The following B3GALT1 variants were observed in gnomAD, a reference collection of about 807,000 sequenced individuals.
B3GALT1 encodes the protein UDP-Gal:betaGlcNAc beta 1,3-galactosyltransferase, polypeptide 1.
A neutral mutation model predicts 23.2 loss-of-function variants in B3GALT1; 10 were observed. The ratio of observed to expected loss-of-function variants is 0.43; its 90% CI spans 0.27 to 0.73. The LOEUF (loss-of-function observed/expected upper bound fraction) is 0.73, where lower values mean the gene tolerates loss of function less well. B3GALT1 is among the 30% of genes least tolerant of loss of function. The probability of loss-of-function intolerance (pLI) is 0.21; values close to 1 mark genes in which losing one functional copy is unlikely to be tolerated. For missense variants in B3GALT1, 299 were observed against 405.4 expected, an observed-to-expected ratio of 0.74 and a Z score of 2.25; for synonymous variants, 156 against 141.5, an observed-to-expected ratio of 1.10 and a Z score of -0.73.
intron 1 of B3GALT1, among the ~76,000 whole-genome samples, chr2:167,463,346 G>T (rs966924519): frequency 6.6e-6 from 1 of 151,970 alleles, no homozygotes; most frequent in Non-Finnish European, 1.5e-5. Context: ...GGTTCTCCAC[G>T]TGAGTCTATA....
At chr2:167,687,412 C>T (rs1219847469) in intron 3 of B3GALT1, among the ~76,000 whole-genome samples, 2 of 152,014 alleles carry the variant, frequency 1.3e-5, no homozygotes, top group Non-Finnish European at 2.9e-5. Flanking sequence ...GAAAATATAC[C>T]ATGTCATTCA....
At chr2:167,657,172 C>G (rs1047143318) in intron 3 of B3GALT1, among the ~76,000 whole-genome samples, 4 of 152,062 alleles carry the variant, frequency 2.6e-5, no homozygotes, top group African/African-American at 7.2e-5. Flanking sequence ...TCAAGATACC[C>G]AGGGGATATT....
At chr2:167,797,059 G>C (rs952423730) in intron 3 of B3GALT1, among the ~76,000 whole-genome samples, 3 of 152,070 alleles carry the variant, frequency 2.0e-5, no homozygotes, top group Non-Finnish European at 1.5e-5. Flanking sequence ...GTGGTTTGCT[G>C]CACAGATCAA....
Position 167,331,768 on chromosome 2 carries a change from C to T in B3GALT1, c.-511+38434C>T, listed in dbSNP as rs569118018. The stretch of plus-strand genomic sequence containing the variant: ...TGCAGGGATGGGGTGAGTCCCAGGC[C>T]ACTGGTAGGGTGCTCAGTTGGAGGT... On this transcript the variant is annotated intron_variant, in intron 1 of 4. Transcript: ENST00000392690. Among the ~76,000 whole-genome samples, 10 of 152,252 alleles carry T rather than the reference C, an allele frequency of 6.6e-5. No homozygotes were observed. In the East Asian group the frequency reaches 7.7e-4, roughly 12 times the overall value.
In B3GALT1 at chr2:167,713,962, T is replaced by C. The variant is rs767247956; in HGVS notation, c.-352+66996T>C. The stretch of plus-strand genomic sequence containing the variant: ...GGCCCCTTGTATCCACTGGAAACAA[T>C]GGACCACTGATTGCAGCAAGAGGTG... On this transcript the variant is annotated intron_variant, in intron 3 of 4. Transcript: ENST00000392690. 322 of 1,559,754 alleles carry C rather than the reference T, an allele frequency of 2.1e-4. 1 individual carries two copies. The highest frequency in any genetic ancestry group is 2.8e-4 in the Non-Finnish European group (313 of 1,131,130).
intron 1 of B3GALT1, among the ~76,000 whole-genome samples, chr2:167,377,834 T>C (rs982648787): frequency 6.6e-6 from 1 of 152,166 alleles, no homozygotes; most frequent in Non-Finnish European, 1.5e-5. Context: ...AAGGTTAATA[T>C]TAATATGTGA....
chr2:167,552,298 A>G (rs1214200942), intron 2 of B3GALT1, among the ~76,000 whole-genome samples: 1 of 152,204 alleles, frequency 6.6e-6, no homozygotes, highest in Non-Finnish European at 1.5e-5. Flanking sequence ...TCCAGATTCT[A>G]GGGTAAATAG....
intron 1 of B3GALT1, among the ~76,000 whole-genome samples, chr2:167,440,854 G>A (rs1698882335): frequency 6.6e-6 from 1 of 151,434 alleles, no homozygotes; most frequent in Admixed American, 6.6e-5. Context: ...TTCCTAATTT[G>A]ATCTTTTTTT....
chr2:167,329,011 C>G (rs1196997819), intron 1 of B3GALT1, among the ~76,000 whole-genome samples: 1 of 151,874 alleles, frequency 6.6e-6, no homozygotes, highest in Admixed American at 6.6e-5. Flanking sequence ...CAGGGTTTCA[C>G]TGTGTTGGCC....
At chr2:167,823,556 G>A (rs922170590) in intron 4 of B3GALT1, among the ~76,000 whole-genome samples, 4 of 152,156 alleles carry the variant, frequency 2.6e-5, no homozygotes, top group African/African-American at 9.7e-5. Context: ...TTGGTATAGC[G>A]AACAAAAGGA....
chr2:167,562,232 A>G, intron 2 of B3GALT1, among the ~76,000 whole-genome samples: 1 of 152,238 alleles, frequency 6.6e-6, no homozygotes, highest in Non-Finnish European at 1.5e-5. Flanking sequence ...TAGATGCAGA[A>G]AAGGCCTTTG....
At position 167,308,493 on chromosome 2, in the gene B3GALT1, A is replaced by C. The variant is rs186024857; in HGVS notation, c.-511+15159A>C. The stretch of plus-strand genomic sequence containing the variant: ...TTTTATTATTTTCCATTTCAATATA[A>C]AATTGAGAAATGAAGTAACTGATAC... On this transcript the variant is annotated intron_variant, in intron 1 of 4. Coordinates refer to ENST00000392690, the MANE Select transcript of B3GALT1 (RefSeq NM_020981.4). Among the ~76,000 whole-genome samples, 9 of 152,148 alleles carry C rather than the reference A, an allele frequency of 5.9e-5. No individual in the cohort carries two copies. In the East Asian group the frequency reaches 1.7e-3, roughly 29 times the overall value.
rs546526157 is a variant in B3GALT1, at chr2:167,567,897, A to T, written c.-410+77620A>T. Among the ~76,000 whole-genome samples the T allele has an allele frequency of 1.2e-4, 18 of 150,732 alleles. 1 individual carries two copies. The South Asian group carries it at 3.8e-3, about 32-fold the overall frequency. On this transcript the variant is annotated intron_variant, in intron 2 of 4. Transcript: ENST00000392690. The stretch of plus-strand genomic sequence containing the variant: ...CTTTGTGCCCCACCTATTCATCCTC[A>T]CTCCCCCTTAGCCCCAAGCATTTAT...
chr2:167,701,915 A>G (rs1485738182), intron 3 of B3GALT1, among the ~76,000 whole-genome samples: 1 of 152,166 alleles, frequency 6.6e-6, no homozygotes, highest in Non-Finnish European at 1.5e-5. Context: ...ACCTGTTAAC[A>G]CCTGTGATAA....
chr2:167,325,876 C>T, intron 1 of B3GALT1, among the ~76,000 whole-genome samples: 1 of 151,888 alleles, frequency 6.6e-6, no homozygotes, highest in Admixed American at 6.6e-5. Flanking sequence ...TGCCACCACA[C>T]CTGGCTAATT....
intron 4 of B3GALT1, among the ~76,000 whole-genome samples, chr2:167,826,347 C>T (rs7587548): frequency 0.028 from 4,280 of 152,228 alleles, 207 homozygotes; most frequent in African/African-American, 0.098. Context: ...GGACAGGGAC[C>T]AGTGTCATTT....
chr2:167,809,109 C>G (rs1688823975), intron 3 of B3GALT1, among the ~76,000 whole-genome samples: 1 of 152,144 alleles, frequency 6.6e-6, no homozygotes, highest in Non-Finnish European at 1.5e-5. Flanking sequence ...GTCACGTAGT[C>G]CTCGTGCCTT....
chr2:167,319,091 C>T (rs917973497), intron 1 of B3GALT1, among the ~76,000 whole-genome samples: 2 of 152,130 alleles, frequency 1.3e-5, no homozygotes, highest in Non-Finnish European at 2.9e-5. Context: ...TTGTCTTGCT[C>T]TGAGATGGTT....
intron 3 of B3GALT1, among the ~76,000 whole-genome samples, chr2:167,677,314 T>C (rs545074693): frequency 1.3e-5 from 2 of 152,334 alleles, no homozygotes; most frequent in African/African-American, 4.8e-5. Flanking sequence ...ACCTTAAATA[T>C]ACACAATAAG....
Sources: allele counts gnomAD v4.1 joint callset (sites outside exome capture counted in the v4.1 genomes callset), GRCh38; gene constraint gnomAD v4.1.1; transcripts MANE v1.5; gene names NCBI Gene and HGNC (gene_info 2026-07-23, HGNC 2026-07-21).